DTNB: variants seen among roughly 807,000 people sequenced by gnomAD.
DTNB encodes the protein DTN-B.
In DTNB, 63 loss-of-function variants were observed where a neutral mutation model predicts 90.7. The ratio of observed to expected loss-of-function variants is 0.69; its 90% confidence interval spans 0.57 to 0.86. The LOEUF (loss-of-function observed/expected upper bound fraction) is 0.86, where lower values mean the gene tolerates loss of function less well. Among genes scored for constraint, DTNB ranks in the 40% least tolerant of loss-of-function variants. The probability of loss-of-function intolerance (pLI) is 0.00; values close to 1 mark genes in which losing one functional copy is unlikely to be tolerated. For synonymous variants in DTNB, 277 were observed against 286.7 expected (o/e 0.97, Z 0.34); for missense variants, 744 against 807.1 (o/e 0.92, Z 0.95).
intron 10 of DTNB, among the ~76,000 whole-genome samples, chr2:25,461,935 T>G (rs2061009676): frequency 6.6e-6 from 1 of 152,066 alleles, no homozygotes; most frequent in Non-Finnish European, 1.5e-5. Context: ...AGATGAACAC[T>G]CCGTGAGGCT....
chr2:25,378,877 A>G (rs1436983446), intron 20 of DTNB, among the ~76,000 whole-genome samples: 2 of 152,162 alleles, frequency 1.3e-5, no homozygotes, highest in African/African-American at 4.8e-5. Context: ...GTGCTGGGTG[A>G]CAGAATCCAG....
At chr2:25,419,649 C>G (rs1469987408) in intron 15 of DTNB, 114 bp from the exon 16 acceptor site, 1 of 1,357,842 alleles carries the variant, frequency 7.4e-7, no homozygotes, top group Non-Finnish European at 9.9e-7. Flanking sequence ...TCAGGCAAAC[C>G]AGGCCAGGCC....
intron 8 of DTNB, among the ~76,000 whole-genome samples, chr2:25,538,300 G>A (rs2080310433): frequency 6.6e-6 from 1 of 152,158 alleles, no homozygotes; most frequent in Non-Finnish European, 1.5e-5. Flanking sequence ...AGCCACTCAG[G>A]AGGCTGAGGT....
chr2:25,659,829 A>G (rs2082783081), intron 1 of DTNB, among the ~76,000 whole-genome samples: 1 of 152,148 alleles, frequency 6.6e-6, no homozygotes, highest in Non-Finnish European at 1.5e-5. Flanking sequence ...ACAAAAGACA[A>G]GGAAACACTT....
At chr2:25,491,001 C>T (rs2067286665) in intron 9 of DTNB, among the ~76,000 whole-genome samples, 1 of 151,822 alleles carries the variant, frequency 6.6e-6, no homozygotes, top group Non-Finnish European at 1.5e-5. Context: ...ACTTCTCCAA[C>T]CTTTTCAGTT....
chr2:25,581,932 T>C (rs1230574466), intron 6 of DTNB, among the ~76,000 whole-genome samples: 1 of 152,162 alleles, frequency 6.6e-6, no homozygotes, highest in Non-Finnish European at 1.5e-5. Flanking sequence ...GATCCCACCA[T>C]TCAGAGGCAG....
intron 9 of DTNB, among the ~76,000 whole-genome samples, chr2:25,504,388 AAAG>A (rs1043136202): frequency 6.0e-5 from 9 of 150,760 alleles, no homozygotes; most frequent in Admixed American, 1.3e-4. Flanking sequence ...AGAAAGAAGG[AAAG>A]AAGGAAGGAA....
intron 6 of DTNB, among the ~76,000 whole-genome samples, chr2:25,582,000 A>C (rs953284781): frequency 2.0e-5 from 3 of 152,248 alleles, no homozygotes; most frequent in Admixed American, 6.5e-5. Context: ...GTCTCTCCCA[A>C]GTAACTGTTC....
intron 8 of DTNB, among the ~76,000 whole-genome samples, chr2:25,564,785 A>G (rs889437177): frequency 2.0e-5 from 3 of 152,204 alleles, no homozygotes; most frequent in African/African-American, 7.2e-5. Flanking sequence ...GCTACTGTAA[A>G]TGAACCTGTT....
chr2:25,497,768 T>G (rs2069305711), intron 9 of DTNB: 1 of 152,222 alleles, frequency 6.6e-6, no homozygotes, highest in African/African-American at 2.4e-5. Context: ...CTTATTTATT[T>G]CATGTAGTCA....
intron 20 of DTNB, 63 bp from the exon 21 acceptor site, chr2:25,377,616 A>T (rs1369858425): frequency 6.6e-6 from 1 of 152,514 alleles, no homozygotes; most frequent in Non-Finnish European, 1.5e-5. Flanking sequence ...AAAAGCTGCT[A>T]ACATCTACTG....
intron 10 of DTNB, among the ~76,000 whole-genome samples, chr2:25,478,106 A>G (rs1350447955): frequency 6.6e-6 from 1 of 151,196 alleles, no homozygotes; most frequent in Non-Finnish European, 1.5e-5. Context: ...ATGCCATGCT[A>G]TCTGTTACTT....
In DTNB at chr2:25,665,074, G is replaced by A. The variant is rs541252401; in HGVS notation, c.-2+8312C>T. ...ATAGAGTGTTTCACACCTGGACTAC[G>A]TCTACACGCAGAAGTTACGTAACTC... On this transcript the variant is annotated intron_variant, in intron 1 of 20. Coordinates refer to ENST00000406818, the MANE Select transcript of DTNB (RefSeq NM_021907.5). Among the ~76,000 whole-genome samples, 6 of 152,216 alleles carry A rather than the reference G, an allele frequency of 3.9e-5. No individual in the cohort carries two copies. In the South Asian group the frequency reaches 1.0e-3, roughly 26 times the overall value.
chr2:25,667,469 T>C (rs1166271471), intron 1 of DTNB, among the ~76,000 whole-genome samples: 1 of 151,878 alleles, frequency 6.6e-6, no homozygotes, highest in Non-Finnish European at 1.5e-5. Flanking sequence ...TATTCCACCC[T>C]AGGCGACAGA....
At chr2:25,388,392 C>G in intron 16 of DTNB, 31 bp from the exon 17 acceptor site, 1 of 1,577,236 alleles carries the variant, frequency 6.3e-7, no homozygotes, top group Non-Finnish European at 8.6e-7. Flanking sequence ...AATACGTTAT[C>G]TCAAGTACCT....
At chr2:25,615,940 T>C (rs770903918) in intron 4 of DTNB, among the ~76,000 whole-genome samples, 23 of 152,234 alleles carry the variant, frequency 1.5e-4, no homozygotes, top group Non-Finnish European at 2.9e-4. Flanking sequence ...TATTTTCATA[T>C]GCATCCAGAG....
intron 10 of DTNB, among the ~76,000 whole-genome samples, chr2:25,466,211 C>T (rs1196281917): frequency 6.6e-6 from 1 of 152,148 alleles, no homozygotes; most frequent in Non-Finnish European, 1.5e-5. Context: ...TGGTGCGTGC[C>T]TGTAATCCCA....
At chr2:25,519,219 C>T (rs1414181625) in intron 9 of DTNB, among the ~76,000 whole-genome samples, 4 of 151,802 alleles carry the variant, frequency 2.6e-5, no homozygotes, top group African/African-American at 9.7e-5. Flanking sequence ...TAAAAATTAG[C>T]CAGGCGTGGT....
chr2:25,379,241 G>A (rs538651436), intron 20 of DTNB, 49 bp downstream of exon 20: 15 of 1,303,242 alleles, frequency 1.2e-5, no homozygotes, highest in Non-Finnish European at 1.4e-5. Flanking sequence ...GGAAGATGCT[G>A]AGGAAGGAGG....
Sources: gnomAD v4.1 joint callset for allele counts (sites outside exome capture counted in the v4.1 genomes callset) on GRCh38, gnomAD v4.1.1 for gene constraint, MANE v1.5 for transcripts, NCBI Gene and HGNC (gene_info 2026-07-23, HGNC 2026-07-21) for gene names.